AGPAT3: variants seen among roughly 807,000 people sequenced by gnomAD.
AGPAT3 encodes 1-acyl-sn-glycerol-3-phosphate acyltransferase gamma.
A neutral mutation model predicts 47.3 loss-of-function variants in AGPAT3; 5 were observed. That is an observed-to-expected ratio of 0.11 (90% confidence interval 0.06 to 0.22). The LOEUF is 0.22. Ranked by LOEUF, AGPAT3 falls within the 10% of genes least tolerant of loss-of-function variation. The pLI is 1.00. For missense variants in AGPAT3, 315 were observed against 493.0 expected (o/e 0.64, Z 3.42); for synonymous variants, 212 against 208.3 (o/e 1.02, Z -0.15).
intron 1 of AGPAT3, among the ~76,000 whole-genome samples, chr21:43,870,374 G>A (rs974011129): frequency 1.3e-5 from 2 of 152,112 alleles, no homozygotes; most frequent in East Asian, 3.9e-4. Context: ...TTTTCCTGGA[G>A]CCCCAAAGCC....
intron 1 of AGPAT3, among the ~76,000 whole-genome samples, chr21:43,877,582 A>G (rs1397091166): frequency 3.3e-5 from 5 of 152,056 alleles, no homozygotes; most frequent in Non-Finnish European, 7.4e-5. Flanking sequence ...AGCCGGGATT[A>G]CAGGCATGCA....
At chr21:43,910,851 C>A (rs934854645) in intron 2 of AGPAT3, among the ~76,000 whole-genome samples, 1 of 152,060 alleles carries the variant, frequency 6.6e-6, no homozygotes, top group Non-Finnish European at 1.5e-5. Context: ...TTCCAACCAC[C>A]GCAGAGATGG....
At chr21:43,918,617 T>TG (rs1223718454) in intron 2 of AGPAT3, among the ~76,000 whole-genome samples, 2 of 150,778 alleles carry the variant, frequency 1.3e-5, no homozygotes, top group African/African-American at 4.9e-5. Flanking sequence ...GACTGACTCT[T>TG]GCTCTGCCAC....
intron 2 of AGPAT3, among the ~76,000 whole-genome samples, chr21:43,913,667 G>T (rs529497360): frequency 6.6e-6 from 1 of 152,214 alleles, no homozygotes; most frequent in Admixed American, 6.5e-5. Context: ...GACTCCCTTT[G>T]TCCCTTGGCG....
At chr21:43,948,053 A>G (rs935045799) in intron 2 of AGPAT3, 2 of 152,250 alleles carry the variant, frequency 1.3e-5, no homozygotes, top group Admixed American at 6.5e-5. Context: ...CCACGTGAGT[A>G]AGAGTAATAG....
At chr21:43,972,716 C>G (rs1471018544) in intron 7 of AGPAT3, among the ~76,000 whole-genome samples, 2 of 152,214 alleles carry the variant, frequency 1.3e-5, no homozygotes, top group East Asian at 3.8e-4. Flanking sequence ...CCCAGAAATC[C>G]TGTTGACTTA....
intron 2 of AGPAT3, chr21:43,916,341 C>T (rs145372436): frequency 4.5e-4 from 69 of 152,290 alleles, no homozygotes; most frequent in African/African-American, 1.5e-3. Flanking sequence ...GGGACACGCA[C>T]GTCTCCTGCC....
intron 7 of AGPAT3, among the ~76,000 whole-genome samples, chr21:43,976,726 G>A (rs946702977): frequency 1.3e-5 from 2 of 152,108 alleles, no homozygotes; most frequent in Admixed American, 1.3e-4. Context: ...GTTTTGAATA[G>A]TAGCCAACTT....
At chr21:43,904,576 G>A (rs912747619) in intron 2 of AGPAT3, among the ~76,000 whole-genome samples, 34 of 152,298 alleles carry the variant, frequency 2.2e-4, no homozygotes, top group Admixed American at 1.4e-3. Context: ...CCTGGGGGAC[G>A]CGCTCCTCAG....
rs34630760 is a variant in AGPAT3 at position 43,879,347 on chromosome 21, CAAAAAA to C, written c.-112+14023_-112+14028del. On this transcript the variant is annotated intron_variant, in intron 1 of 9. Transcript: ENST00000291572. ...CCTACAACAGAGTGAGACTCTATCT[CAAAAAA>C]AAAAAAAAAAAAAAAAAAAATCCAA... is the stretch of plus-strand genomic sequence containing the variant. Among the ~76,000 whole-genome samples the C allele has an allele frequency of 6.0e-4, 43 of 71,698 alleles. No homozygotes were observed. The East Asian group carries it at 0.016, about 27-fold the overall frequency. The allele number at this position is 71,698 out of a possible 152,430, so 47.0% of individuals were successfully genotyped here. A position where few individuals can be genotyped will look rare whatever the true frequency, so the allele number is the denominator to read the frequency against.
Position 43,933,301 on chromosome 21 carries a change from G to A in AGPAT3, c.-48-26333G>A, listed in dbSNP as rs2146297217. 6.6e-6 allele frequency among the ~76,000 whole-genome samples: 1 copy of A among 152,244 alleles called. No individual in the cohort carries two copies. Among genetic ancestry groups the A allele is most frequent in the Admixed American group, 6.5e-5 (1 of 15,298 alleles). On this transcript the variant is annotated intron_variant, in intron 2 of 9. Coordinates refer to ENST00000291572, the MANE Select transcript of AGPAT3 (RefSeq NM_020132.5). The surrounding 1 kb of genome is among the most constrained non-coding windows in gnomAD (Gnocchi z 6.0). ...CCTGTGGATGCTGGGCCTGCATCGG[G>A]CATGTGGTCTGCAGGGTTTTCTCTC...
At chr21:43,941,533 C>T (rs1460614497) in intron 2 of AGPAT3, among the ~76,000 whole-genome samples, 1 of 152,164 alleles carries the variant, frequency 6.6e-6, no homozygotes, top group African/African-American at 2.4e-5. Flanking sequence ...GGCAACAGAG[C>T]GAGACCCCAT....
intron 1 of AGPAT3, among the ~76,000 whole-genome samples, chr21:43,896,943 G>GTTT (rs61657564): frequency 1.2e-4 from 5 of 42,338 alleles, no homozygotes; most frequent in African/African-American, 3.3e-4. Context: ...TTGACAGTCC[G>GTTT]TTTTTTTTTT....
chr21:43,940,603 G>T (rs956036194), intron 2 of AGPAT3, among the ~76,000 whole-genome samples: 1 of 152,244 alleles, frequency 6.6e-6, no homozygotes. Flanking sequence ...CATCTGGGCG[G>T]TGTTTGTAGA....
In AGPAT3 at chr21:43,984,115, C is replaced by A. The variant is rs891454719; in HGVS notation, c.*1723C>A. ...CTCCTCGCAGGGGTGAAGGGGCAGA[C>A]CAACGAAACCAGATGAGACCAACGA... is the stretch of plus-strand genomic sequence containing the variant. On this transcript the variant is annotated 3_prime_UTR_variant, in exon 10 of 10. Coordinates refer to ENST00000291572, the MANE Select transcript of AGPAT3 (RefSeq NM_020132.5). 7 of 152,374 alleles carry A rather than the reference C, an allele frequency of 4.6e-5. No homozygotes were observed. The East Asian group carries it at 7.7e-4, about 17-fold the overall frequency. 9.4% of individuals were successfully genotyped at this position (152,374 alleles called of 1,614,324 possible).
At chr21:43,927,367 C>T (rs573123309) in intron 2 of AGPAT3, among the ~76,000 whole-genome samples, 66 of 152,200 alleles carry the variant, frequency 4.3e-4, no homozygotes, top group Non-Finnish European at 7.4e-4. Context: ...TTGAAATGTT[C>T]TATTGCAGCT....
chr21:43,926,941 C>T (rs1025183156), intron 2 of AGPAT3, among the ~76,000 whole-genome samples: 22 of 145,176 alleles, frequency 1.5e-4, no homozygotes, highest in African/African-American at 5.7e-4. Context: ...ATTGCACCAT[C>T]TCACTCCAGT....
intron 1 of AGPAT3, among the ~76,000 whole-genome samples, chr21:43,899,039 G>A (rs2086292943): frequency 6.6e-6 from 1 of 152,186 alleles, no homozygotes; most frequent in Non-Finnish European, 1.5e-5. Context: ...TGTTAGATTT[G>A]CACACACTTG....
At chr21:43,905,053 C>T (rs1220142389) in intron 2 of AGPAT3, among the ~76,000 whole-genome samples, 2 of 152,068 alleles carry the variant, frequency 1.3e-5, no homozygotes, top group South Asian at 4.1e-4. Flanking sequence ...GTAGTCATGG[C>T]GGACCTCAAA....
Sources: allele counts gnomAD v4.1 joint callset (sites outside exome capture counted in the v4.1 genomes callset), GRCh38; gene constraint gnomAD v4.1.1; non-coding constraint Gnocchi (gnomAD v3.1); transcripts MANE v1.5; gene names NCBI Gene and HGNC (gene_info 2026-07-23, HGNC 2026-07-21).